The following MDM2 variants were observed in gnomAD, a reference collection of about 807,000 sequenced individuals.
MDM2 encodes MDM2 proto-oncogene.
A neutral mutation model predicts 64.3 loss-of-function variants in MDM2; 11 were observed. That is an observed-to-expected ratio of 0.17 (90% CI 0.11 to 0.28). The LOEUF is 0.28. Ranked by LOEUF, MDM2 falls within the 10% of genes least tolerant of loss-of-function variation. The pLI, the probability that MDM2 is intolerant of heterozygous loss-of-function variation, is 1.00. For synonymous variants in MDM2, 194 were observed against 192.9 expected, an observed-to-expected ratio of 1.01 and a Z score of -0.05; for missense variants, 388 against 577.1, an observed-to-expected ratio of 0.67 and a Z score of 3.36.
intron 8 of MDM2, among the ~76,000 whole-genome samples, chr12:68,831,847 C>T (rs1157925390): frequency 2.0e-5 from 3 of 152,132 alleles, no homozygotes; most frequent in Non-Finnish European, 4.4e-5. Flanking sequence ...GCGGGCGGAT[C>T]ACCTGAGGTC....
chr12:68,826,553 G>A (rs1290999841), intron 7 of MDM2, among the ~76,000 whole-genome samples: 1 of 151,066 alleles, frequency 6.6e-6, no homozygotes, highest in Non-Finnish European at 1.5e-5. Context: ...GGAGGCTGAG[G>A]CAGGAGAATC....
At position 68,824,664 on chromosome 12, in the gene MDM2, AT is replaced by A. The variant is rs1565738796; in HGVS notation, c.523+16del. ...ATTAGTGAGACAGGTATATATGAAT[AT>A]TTATTTGACGCATTCACACAGCTTT... is the stretch of plus-strand genomic sequence containing the variant. On this transcript the variant is annotated intron_variant, in intron 7 of 10. Coordinates refer to ENST00000258149, the MANE Select transcript of MDM2 (RefSeq NM_002392.6). 1.3e-6 allele frequency: 2 copies of A among 1,501,374 alleles called. No individual in the cohort carries two copies. The highest frequency in any genetic ancestry group is 2.3e-5 in the South Asian group (2 of 85,448). 93.0% of individuals were successfully genotyped at this position (1,501,374 alleles called of 1,614,324 possible). A position where few individuals can be genotyped will look rare whatever the true frequency, so the allele number is the denominator to read the frequency against.
the MDM2 span, chr12:68,850,665 A>T: frequency 6.6e-6 from 1 of 152,192 alleles, no homozygotes; most frequent in Admixed American, 6.5e-5. Flanking sequence ...GAAATCAATA[A>T]AATTTGTTAT....
chr12:68,826,101 G>A (rs372461828), intron 7 of MDM2, among the ~76,000 whole-genome samples: 1 of 152,144 alleles, frequency 6.6e-6, no homozygotes, highest in South Asian at 2.1e-4. Context: ...AGGGCAGACA[G>A]TTCACAAAAA....
downstream of MDM2, chr12:68,848,332 T>A (rs185957028): frequency 2.6e-5 from 4 of 152,288 alleles, no homozygotes; most frequent in African/African-American, 9.6e-5. Context: ...TTTCAGCTAA[T>A]TTTTTCATTT....
chr12:68,822,572 A>G (rs1881950309), intron 5 of MDM2, among the ~76,000 whole-genome samples: 2 of 152,180 alleles, frequency 1.3e-5, no homozygotes, highest in Non-Finnish European at 2.9e-5. Flanking sequence ...TTTCTGAAGT[A>G]TGTAACCCTG....
At chr12:68,838,731 G>C (rs1462050874) in intron 10 of MDM2, among the ~76,000 whole-genome samples, 1 of 152,176 alleles carries the variant, frequency 6.6e-6, no homozygotes, top group Non-Finnish European at 1.5e-5. Context: ...AGATCCCATA[G>C]ACTTGCTTCA....
downstream of MDM2, chr12:68,850,311 T>G (rs903289095): frequency 3.3e-5 from 5 of 151,508 alleles, no homozygotes; most frequent in Non-Finnish European, 7.4e-5. Context: ...AGCTGCAAAT[T>G]TAAACGTTGA....
rs767475639 is a variant in MDM2, at chr12:68,820,366, A to G, written c.350A>G (p.Asn117Ser). ...TMIYRNLVVV[N>S]QQESSDSGTS... ...ATCTACAGGAACTTGGTAGTAGTCA[A>G]TCAGCAGGGTAAGTTAATTTTGAGC... The change falls in exon 5 of 11, where the codon AAT (asparagine) becomes AGT (serine). Residue 117 changes from asparagine to serine, a missense_variant. Asn to Ser is a conservative substitution (Grantham distance 46, BLOSUM62 1). This residue lies in a region of MDM2 where 168 missense variants were observed against 236.6 expected (regional missense o/e 0.71). Coordinates refer to ENST00000258149, the MANE Select transcript of MDM2 (RefSeq NM_002392.6). The G allele has an allele frequency of 2.2e-5, 35 of 1,605,474 alleles. No homozygotes were observed. The highest frequency in any genetic ancestry group is 1.1e-4 in the African/African-American group (8 of 74,380).
chr12:68,836,805 G>C, intron 10 of MDM2, 56 bp downstream of exon 10: 1 of 1,073,214 alleles, frequency 9.3e-7, no homozygotes, highest in Non-Finnish European at 1.4e-6. Flanking sequence ...TCAAGATTAG[G>C]AGACTATATC....
intron 2 of MDM2, among the ~76,000 whole-genome samples, 170 bp downstream of exon 2, chr12:68,809,462 C>T (rs1331662994): frequency 6.6e-6 from 1 of 152,146 alleles, no homozygotes. Flanking sequence ...CTGTTAAGAA[C>T]TGGTCAGTAT....
intron 8 of MDM2, among the ~76,000 whole-genome samples, chr12:68,834,496 G>A (rs1883151275): frequency 1.3e-5 from 2 of 151,900 alleles, no homozygotes; most frequent in African/African-American, 2.4e-5. Context: ...TAACACTTTG[G>A]GAGGCCAAGG....
In MDM2 at chr12:68,819,012, G is replaced by A. The variant is rs146768939; in HGVS notation, c.309-1313G>A. 6.0e-3 allele frequency among the ~76,000 whole-genome samples: 918 copies of A among 152,198 alleles called. 12 individuals carry two copies. The highest frequency in any genetic ancestry group is 0.021 in the African/African-American group (866 of 41,524). On this transcript the variant is annotated intron_variant, in intron 4 of 10. Coordinates refer to ENST00000258149, the MANE Select transcript of MDM2 (RefSeq NM_002392.6). ...CTCCCAAAGTGCTGGGATTACAGAC[G>A]TGAGCCACTGTGCCTGGTCTGAATA...
chr12:68,812,044 C>A (rs1245948722), intron 2 of MDM2, among the ~76,000 whole-genome samples: 1 of 152,240 alleles, frequency 6.6e-6, no homozygotes, highest in African/African-American at 2.4e-5. Flanking sequence ...CTGCACCTGG[C>A]TTCCATTACA....
chr12:68,813,525 G>T (rs1174823741), intron 2 of MDM2, 29 bp from the exon 3 acceptor site: 19 of 1,516,202 alleles, frequency 1.3e-5, no homozygotes, highest in Non-Finnish European at 1.7e-5. Context: ...AATTTTGGAA[G>T]TATAATAGCA....
intron 10 of MDM2, among the ~76,000 whole-genome samples, chr12:68,838,881 A>G: frequency 6.7e-6 from 1 of 150,244 alleles, no homozygotes; most frequent in East Asian, 1.9e-4. Flanking sequence ...TACTTACTCT[A>G]CTTTAGGAGA....
chr12:68,839,350 G>C lies in MDM2; in HGVS notation c.995G>C (p.Arg332Pro). 2 of 1,613,856 alleles carry C rather than the reference G, an allele frequency of 1.2e-6. No individual in the cohort carries two copies. Among genetic ancestry groups the C allele is most frequent in the Non-Finnish European group, 1.7e-6 (2 of 1,179,990 alleles). The part of the protein sequence containing the change: ...PSHCNRCWAL[R>P]ENWLPEDKGK... ...CATTGCAACAGATGTTGGGCCCTTC[G>C]TGAGAATTGGCTTCCTGAAGATAAA... Residue 332 changes from arginine (R) to proline (P), a missense_variant, in exon 11 of 11, where the codon CGT becomes CCT. Arg to Pro is a moderately radical substitution (Grantham distance 103). This residue lies in a region of MDM2 where 138 missense variants were observed against 143.7 expected (regional missense o/e 0.96). Transcript: ENST00000258149.
chr12:68,808,678 C>T (rs1413357006), intron 1 of MDM2, among the ~76,000 whole-genome samples, 187 bp downstream of exon 1: 1 of 149,854 alleles, frequency 6.7e-6, no homozygotes, highest in South Asian at 2.1e-4. Context: ...GCTAGGCAGT[C>T]GCCGCCAGGG....
At chr12:68,816,278 C>A (rs967120170) in intron 3 of MDM2, among the ~76,000 whole-genome samples, 2 of 151,028 alleles carry the variant, frequency 1.3e-5, no homozygotes, top group Non-Finnish European at 2.9e-5. Context: ...GGAAAAAAAC[C>A]TCACATTTTA....
Sources: allele counts gnomAD v4.1 joint callset (sites outside exome capture counted in the v4.1 genomes callset), GRCh38; gene constraint gnomAD v4.1.1; regional missense constraint gnomAD v4.1.1; transcripts MANE v1.5; gene names NCBI Gene and HGNC (gene_info 2026-07-23, HGNC 2026-07-21).